Variants in UBE2E2 observed in about 807,000 individuals in gnomAD.
The protein encoded by UBE2E2 is ubiquitin conjugating enzyme E2 E2, also known as ubiquitin-conjugating enzyme E2 E2.
A neutral mutation model predicts 24.7 loss-of-function variants in UBE2E2; 6 were observed. The observed-to-expected ratio is 0.24, with a 90% CI of 0.13 to 0.48. UBE2E2 has a LOEUF of 0.48. UBE2E2 is among the 20% of genes least tolerant of loss of function. The probability of loss-of-function intolerance (pLI) is 0.99; values close to 1 mark genes in which losing one functional copy is unlikely to be tolerated. For missense variants in UBE2E2, 169 were observed against 245.0 expected, an observed-to-expected ratio of 0.69 and a Z score of 2.07; for synonymous variants, 104 against 83.6, an observed-to-expected ratio of 1.24 and a Z score of -1.33.
chr3:23,511,021 A>T (rs1329507456), intron 4 of UBE2E2, among the ~76,000 whole-genome samples: 1 of 152,202 alleles, frequency 6.6e-6, no homozygotes, highest in Non-Finnish European at 1.5e-5. Flanking sequence ...TGTATGTACC[A>T]TGCAGTGGTC....
intron 3 of UBE2E2, among the ~76,000 whole-genome samples, chr3:23,257,825 C>CA (rs1697778905): frequency 6.6e-6 from 1 of 151,972 alleles, no homozygotes. Context: ...GCTTTACTCT[C>CA]ACAATCCTAT....
At chr3:23,493,601 G>A (rs1272209252) in intron 3 of UBE2E2, among the ~76,000 whole-genome samples, 1 of 151,976 alleles carries the variant, frequency 6.6e-6, no homozygotes, top group Non-Finnish European at 1.5e-5. Flanking sequence ...GTTGCAAGTG[G>A]GAAAACATTA....
At chr3:23,323,890 A>G (rs183932427) in intron 3 of UBE2E2, among the ~76,000 whole-genome samples, 1 of 152,118 alleles carries the variant, frequency 6.6e-6, no homozygotes, top group Non-Finnish European at 1.5e-5. Context: ...GCCATGATTG[A>G]TTATTGAGCT....
intron 3 of UBE2E2, among the ~76,000 whole-genome samples, chr3:23,299,690 T>A (rs9681373): frequency 0.34 from 51,775 of 151,774 alleles, 9,008 homozygotes; most frequent in South Asian, 0.38. Flanking sequence ...TGCTGAGGTG[T>A]GCTTTACTTC....
intron 5 of UBE2E2, among the ~76,000 whole-genome samples, chr3:23,541,914 C>T (rs1401053753): frequency 1.3e-5 from 2 of 152,172 alleles, no homozygotes; most frequent in Admixed American, 6.5e-5. Context: ...ACTCCAGTGA[C>T]TTTCTTGTCC....
At chr3:23,586,580 GAGCCATCTGACCC>G (rs1411322475) in intron 5 of UBE2E2, among the ~76,000 whole-genome samples, 54 of 152,088 alleles carry the variant, frequency 3.6e-4, no homozygotes, top group African/African-American at 1.2e-3. Context: ...TTACAGACGT[GAGCCATCTGACCC>G]AGCCAATAAC....
chr3:23,428,426 G>A (rs147834944), intron 3 of UBE2E2, among the ~76,000 whole-genome samples: 2 of 152,162 alleles, frequency 1.3e-5, no homozygotes, highest in Non-Finnish European at 1.5e-5. Context: ...AGCATTGAAT[G>A]CAGAGGTTAC....
intron 3 of UBE2E2, among the ~76,000 whole-genome samples, chr3:23,375,776 A>G (rs1024426065): frequency 2.0e-5 from 3 of 152,190 alleles, no homozygotes; most frequent in Admixed American, 2.0e-4. Flanking sequence ...AGACACTACA[A>G]AATTTTTTAA....
At chr3:23,364,466 C>CA (rs950240991) in intron 3 of UBE2E2, among the ~76,000 whole-genome samples, 13 of 152,020 alleles carry the variant, frequency 8.6e-5, no homozygotes, top group African/African-American at 2.2e-4. Flanking sequence ...AACAGAAATA[C>CA]AAAAAAACCC....
At position 23,590,784 on chromosome 3, in the gene UBE2E2, A is replaced by G. The variant is rs1407688739; in HGVS notation, c.*953A>G. 5 of 152,352 alleles carry G rather than the reference A, an allele frequency of 3.3e-5. No individual in the cohort carries two copies. The highest frequency in any genetic ancestry group is 1.9e-4 in the East Asian group (1 of 5,184). The allele number at this position is 152,352 out of a possible 1,614,324, so 9.4% of individuals were successfully genotyped here. ...TTTATGGTTGTTATAGTAAATTGCTATCATTTTACATATTGACTGGGCATT... is the reference window on the plus strand; with the variant it reads ...TTTATGGTTGTTATAGTAAATTGCTGTCATTTTACATATTGACTGGGCATT... On this transcript the variant is annotated 3_prime_UTR_variant, in exon 6 of 6. Transcript: ENST00000396703.
At chr3:23,271,838 C>G (rs551364867) in intron 3 of UBE2E2, among the ~76,000 whole-genome samples, 2 of 152,210 alleles carry the variant, frequency 1.3e-5, no homozygotes, top group South Asian at 4.1e-4. Context: ...TAGCTAGATA[C>G]AGAGTGCTCA....
intron 3 of UBE2E2, among the ~76,000 whole-genome samples, chr3:23,449,373 A>G (rs1698505078): frequency 6.6e-6 from 1 of 152,224 alleles, no homozygotes; most frequent in Admixed American, 6.5e-5. Flanking sequence ...TTTAGTACCA[A>G]ATCTCAGAAT....
At chr3:23,571,280 C>CTTTCTTTTTTTTTT (rs1696218039) in intron 5 of UBE2E2, among the ~76,000 whole-genome samples, 3 of 29,866 alleles carry the variant, frequency 1.0e-4, no homozygotes, top group Admixed American at 6.9e-4. Flanking sequence ...GTGCTCCTTT[C>CTTTCTTTTTTTTTT]TTTTTTTTTT....
intron 2 of UBE2E2, among the ~76,000 whole-genome samples, chr3:23,215,584 T>C (rs1407549343): frequency 6.6e-6 from 1 of 152,172 alleles, no homozygotes; most frequent in Non-Finnish European, 1.5e-5. Flanking sequence ...GCCCCTTTAG[T>C]AGTCTGTTTT....
At chr3:23,415,094 G>A (rs1054657798) in intron 3 of UBE2E2, among the ~76,000 whole-genome samples, 1 of 152,182 alleles carries the variant, frequency 6.6e-6, no homozygotes, top group African/African-American at 2.4e-5. Flanking sequence ...GAACTTGTAA[G>A]ATATTTCTGG....
At chr3:23,424,190 CT>C (rs1186675820) in intron 3 of UBE2E2, among the ~76,000 whole-genome samples, 1 of 151,980 alleles carries the variant, frequency 6.6e-6, no homozygotes. Flanking sequence ...GTTTAAGGAA[CT>C]TTTTTTTCTA....
intron 5 of UBE2E2, among the ~76,000 whole-genome samples, chr3:23,547,218 A>G (rs1695545341): frequency 1.3e-5 from 2 of 152,238 alleles, no homozygotes; most frequent in South Asian, 4.1e-4. Context: ...CGTTCCAACA[A>G]TAAGACATTT....
chr3:23,284,067 T>G (rs1372283305), intron 3 of UBE2E2, among the ~76,000 whole-genome samples: 1 of 152,178 alleles, frequency 6.6e-6, no homozygotes, highest in African/African-American at 2.4e-5. Context: ...TAATTATAGC[T>G]TAGGTGCAGT....
At chr3:23,469,583 T>TA (rs1170248637) in intron 3 of UBE2E2, among the ~76,000 whole-genome samples, 4 of 152,238 alleles carry the variant, frequency 2.6e-5, no homozygotes, top group Non-Finnish European at 5.9e-5. Context: ...GCTTAAATGA[T>TA]AAAGTATCTC....
Sources: gnomAD v4.1 joint callset for allele counts (sites outside exome capture counted in the v4.1 genomes callset) on GRCh38, gnomAD v4.1.1 for gene constraint, MANE v1.5 for transcripts, NCBI Gene and HGNC (gene_info 2026-07-23, HGNC 2026-07-21) for gene names.